The following KIF6 variants were observed in gnomAD, a reference collection of about 807,000 sequenced individuals.
KIF6 encodes kinesin-like protein KIF6.
KIF6 carries 106 observed loss-of-function variants against 112.7 expected under a neutral mutation model. The observed-to-expected ratio is 0.94, with a 90% CI of 0.80 to 1.11. The LOEUF is 1.11. Ranked by LOEUF, KIF6 falls within the 50% of genes least tolerant of loss-of-function variation. The pLI, the probability that KIF6 is intolerant of heterozygous loss-of-function variation, is 0.00. For missense variants in KIF6, 929 were observed against 964.0 expected, an observed-to-expected ratio of 0.96 and a Z score of 0.48; for synonymous variants, 339 against 339.9, an observed-to-expected ratio of 1.00 and a Z score of 0.03.
chr6:39,342,606 TTTTTATTTTTTTTTATTTTTTTTTA>T lies in KIF6; in HGVS notation c.2428+1078_2428+1102del, dbSNP rs1294639155. 8.5e-3 allele frequency among the ~76,000 whole-genome samples: 991 copies of T among 116,266 alleles called. 128 individuals carry two copies. The highest frequency in any genetic ancestry group is 0.039 in the African/African-American group (903 of 23,230). The allele number at this position is 116,266 out of a possible 152,430, so 76.3% of individuals were successfully genotyped here. On this transcript the variant is annotated intron_variant, in intron 22 of 22. Coordinates refer to ENST00000287152, the MANE Select transcript of KIF6 (RefSeq NM_145027.6). The surrounding 1 kb of genome is among the most constrained non-coding windows in gnomAD (Gnocchi z 4.7). ...ATCACTGAATCCAGTTTTTTATTTT[TTTTTATTTTTTTTTATTTTTTTTTA>T]TTTTTAGACAAGGAAACTGAGAATG... is the stretch of plus-strand genomic sequence containing the variant.
intron 3 of KIF6, among the ~76,000 whole-genome samples, chr6:39,710,676 A>C (rs2113866005): frequency 6.6e-6 from 1 of 152,336 alleles, no homozygotes; most frequent in Admixed American, 6.5e-5. Context: ...TTCTTGCAGA[A>C]CTCAGAACCA....
At chr6:39,701,352 A>T (rs1318470794) in intron 3 of KIF6, among the ~76,000 whole-genome samples, 1 of 152,194 alleles carries the variant, frequency 6.6e-6, no homozygotes, top group Non-Finnish European at 1.5e-5. Context: ...ATCTGGGTCC[A>T]GGTTCCAGGA....
At chr6:39,385,755 A>T in intron 15 of KIF6, 83 bp from the exon 16 acceptor site, 1 of 706,040 alleles carries the variant, frequency 1.4e-6, no homozygotes, top group Non-Finnish European at 2.3e-6. Context: ...GGCAAGCTAC[A>T]GAAAAAAAAA....
intron 3 of KIF6, among the ~76,000 whole-genome samples, chr6:39,651,713 C>T (rs555494809): frequency 6.6e-6 from 1 of 152,166 alleles, no homozygotes; most frequent in Non-Finnish European, 1.5e-5. Context: ...TTCAAACACA[C>T]TTTGATTTCA....
intron 13 of KIF6, among the ~76,000 whole-genome samples, chr6:39,519,892 G>C (rs11755434): frequency 1.2e-4 from 18 of 151,832 alleles, no homozygotes; most frequent in Admixed American, 1.2e-3. Flanking sequence ...TGTGGTGGTG[G>C]ATATCTGTAG....
At chr6:39,513,968 C>CA (rs1776924641) in intron 13 of KIF6, among the ~76,000 whole-genome samples, 3 of 152,030 alleles carry the variant, frequency 2.0e-5, no homozygotes, top group African/African-American at 7.3e-5. Flanking sequence ...GATTTGGCAA[C>CA]AAAAAATGTT....
intron 15 of KIF6, among the ~76,000 whole-genome samples, chr6:39,411,997 T>C (rs1234473955): frequency 2.6e-5 from 4 of 152,336 alleles, no homozygotes; most frequent in South Asian, 2.1e-4. Context: ...TCTGTTCTCC[T>C]AGCCAGGTCG....
At chr6:39,578,331 T>TG (rs1554129393) in intron 9 of KIF6, among the ~76,000 whole-genome samples, 172 bp from the exon 10 acceptor site, 2 of 144,904 alleles carry the variant, frequency 1.4e-5, no homozygotes, top group African/African-American at 2.5e-5. Context: ...AGTTCTAGAT[T>TG]TTTTTTTTTT....
At chr6:39,655,780 A>G (rs1393574072) in intron 3 of KIF6, among the ~76,000 whole-genome samples, 1 of 152,154 alleles carries the variant, frequency 6.6e-6, no homozygotes, top group Non-Finnish European at 1.5e-5. Context: ...TTATTTGTTT[A>G]TTGTCAATAA....
chr6:39,406,597 C>T (rs78213478), intron 15 of KIF6, among the ~76,000 whole-genome samples: 2,926 of 152,284 alleles, frequency 0.019, 83 homozygotes, highest in African/African-American at 0.062. Context: ...GTGTTGAATG[C>T]TATAAATTTC....
At chr6:39,344,852 C>T (rs1340247471) in intron 21 of KIF6, among the ~76,000 whole-genome samples, 1 of 147,278 alleles carries the variant, frequency 6.8e-6, no homozygotes, top group African/African-American at 2.6e-5. Context: ...AGCTAAGTTG[C>T]CACAACTAAA....
At chr6:39,402,893 C>G (rs1016393871) in intron 15 of KIF6, among the ~76,000 whole-genome samples, 2 of 152,210 alleles carry the variant, frequency 1.3e-5, no homozygotes, top group African/African-American at 4.8e-5. Context: ...AAGTCCTCAT[C>G]GTAGAAGCCC....
intron 13 of KIF6, among the ~76,000 whole-genome samples, chr6:39,521,800 C>T (rs1282164570): frequency 6.6e-6 from 1 of 152,158 alleles, no homozygotes; most frequent in Non-Finnish European, 1.5e-5. Flanking sequence ...TCATTAAAAA[C>T]CCAATAAGAG....
chr6:39,601,497 G>T (rs1181198546), intron 6 of KIF6, among the ~76,000 whole-genome samples: 1 of 152,038 alleles, frequency 6.6e-6, no homozygotes, highest in South Asian at 2.1e-4. Context: ...TTATGCAACT[G>T]TTTATCAAAA....
intron 7 of KIF6, among the ~76,000 whole-genome samples, chr6:39,588,680 A>T (rs557829850): frequency 1.3e-5 from 2 of 151,796 alleles, no homozygotes; most frequent in African/African-American, 4.8e-5. Flanking sequence ...TCTTTCCCAG[A>T]TCTCACCCAT....
At chr6:39,475,692 C>T (rs1003816017) in intron 13 of KIF6, among the ~76,000 whole-genome samples, 1 of 152,168 alleles carries the variant, frequency 6.6e-6, no homozygotes, top group Admixed American at 6.5e-5. Flanking sequence ...CTCAGTTCAG[C>T]TTGAACAGCC....
intron 3 of KIF6, among the ~76,000 whole-genome samples, chr6:39,686,704 A>G (rs1472724625): frequency 6.6e-6 from 1 of 152,228 alleles, no homozygotes; most frequent in East Asian, 1.9e-4. Flanking sequence ...TGTCAAAACC[A>G]GGACCTTCAC....
intron 10 of KIF6, among the ~76,000 whole-genome samples, chr6:39,575,128 T>G (rs1780870097): frequency 6.6e-6 from 1 of 152,174 alleles, no homozygotes; most frequent in Non-Finnish European, 1.5e-5. Context: ...CTTATCATTC[T>G]CAGACTTTTG....
intron 6 of KIF6, among the ~76,000 whole-genome samples, chr6:39,602,684 C>T (rs1782643151): frequency 6.6e-6 from 1 of 152,140 alleles, no homozygotes; most frequent in African/African-American, 2.4e-5. Context: ...AAAATTAGAA[C>T]TATTTGAAAC....
Sources: allele counts gnomAD v4.1 joint callset (sites outside exome capture counted in the v4.1 genomes callset), GRCh38; gene constraint gnomAD v4.1.1; non-coding constraint Gnocchi (gnomAD v3.1); transcripts MANE v1.5; gene names NCBI Gene and HGNC (gene_info 2026-07-23, HGNC 2026-07-21).